Variants in ACACB observed in about 807,000 individuals in gnomAD.
ACACB encodes acetyl-CoA carboxylase beta.
Under a neutral mutation model 278.8 loss-of-function variants are expected in ACACB, and 209 were observed. The observed-to-expected ratio is 0.75, with a 90% CI of 0.67 to 0.84. ACACB has a LOEUF of 0.84. Ranked by LOEUF, ACACB falls within the 40% of genes least tolerant of loss-of-function variation. The pLI is 0.00. For synonymous variants in ACACB, 1,174 were observed against 1,285.6 expected, an observed-to-expected ratio of 0.91 and a Z score of 1.86; for missense variants, 2,850 against 3,269.0, an observed-to-expected ratio of 0.87 and a Z score of 3.13.
chr12:109,266,597 T>A lies in ACACB; in HGVS notation c.*235T>A. 1 of 373,772 alleles carries A rather than the reference T, an allele frequency of 2.7e-6. No homozygotes were observed. The highest frequency in any genetic ancestry group is 4.7e-6 in the Non-Finnish European group (1 of 214,806). 23.2% of individuals were successfully genotyped at this position (373,772 alleles called of 1,614,324 possible). ...TGGGAAGTTTATTTTGTTTTGTCTCTGAAGACAGCAGTTTTATTGCATCAC... is the reference window on the plus strand; with the variant it reads ...TGGGAAGTTTATTTTGTTTTGTCTCAGAAGACAGCAGTTTTATTGCATCAC... On this transcript the variant is annotated 3_prime_UTR_variant, in exon 53 of 53. Transcript: ENST00000338432.
upstream of ACACB, among the ~76,000 whole-genome samples, chr12:109,112,503 G>A (rs2135905456): frequency 6.6e-6 from 1 of 151,896 alleles, no homozygotes; most frequent in African/African-American, 2.4e-5. Context: ...GGGAGTTCAA[G>A]ACCAGCCTGA....
At chr12:109,201,228 C>T (rs75290486) in intron 18 of ACACB, among the ~76,000 whole-genome samples, 53 of 152,294 alleles carry the variant, frequency 3.5e-4, no homozygotes, top group African/African-American at 1.1e-3. Flanking sequence ...GTTTTAGGAA[C>T]GTGTATATGA....
chr12:109,205,182 G>GC (rs2045465011), intron 19 of ACACB, among the ~76,000 whole-genome samples: 2 of 152,158 alleles, frequency 1.3e-5, no homozygotes, highest in South Asian at 4.1e-4. Context: ...AGTTCCCAAA[G>GC]CTAGGAATAG....
chr12:109,262,285 C>G (rs151139821), intron 48 of ACACB, 72 bp from the exon 49 acceptor site: 1 of 1,226,608 alleles, frequency 8.2e-7, no homozygotes, highest in Admixed American at 1.8e-5. Context: ...CTCCAGCTCC[C>G]CCCACATCCA....
At position 109,233,744 on chromosome 12, in the gene ACACB, C is replaced by T. The variant is rs1234280853; in HGVS notation, c.4140-4C>T. The stretch of plus-strand genomic sequence containing the variant: ...CAGCCCTCCCTCTCTACCCGCACCC[C>T]CAGAAATTTTGATGAAGTCATCTCT... On this transcript the variant is annotated splice_polypyrimidine_tract_variant and splice_region_variant and intron_variant, in intron 29 of 52. Coordinates refer to ENST00000338432, the MANE Select transcript of ACACB (RefSeq NM_001093.4). 6.2e-7 allele frequency: 1 copy of T among 1,613,892 alleles called. No individual in the cohort carries two copies. The highest frequency in any genetic ancestry group is 1.7e-5 in the Admixed American group (1 of 59,994).
rs773991465 is a variant in ACACB, at chr12:109,241,150, G to A, written c.4891G>A (p.Glu1631Lys). The A allele has an allele frequency of 4.3e-6, 7 of 1,614,192 alleles. No homozygotes were observed. In the South Asian group the frequency reaches 6.6e-5, roughly 15 times the overall value. ...RLWKLRVLQA[E>K]VKINIRQTTT... is the part of the protein sequence containing the mutation. ...GTGGAAACTCCGTGTGCTACAGGCT[G>A]AGGTCAAGATCAACATCCGCCAGAC... Residue 1631 changes from glutamate (E) to lysine (K), a missense_variant, in exon 36 of 53, where the codon GAG (glutamate) becomes AAG (lysine). This residue lies in a region of ACACB where 2,265 missense variants were observed against 2,561.3 expected (regional missense o/e 0.88). Transcript: ENST00000338432.
chr12:109,258,745 C>G (rs969060816), intron 46 of ACACB, among the ~76,000 whole-genome samples: 1 of 152,158 alleles, frequency 6.6e-6, no homozygotes, highest in Non-Finnish European at 1.5e-5. Context: ...TGGCACCCCT[C>G]GGAGCCTGTA....
chr12:109,230,561 C>A (rs555410512), intron 28 of ACACB, among the ~76,000 whole-genome samples: 14 of 152,292 alleles, frequency 9.2e-5, no homozygotes, highest in Non-Finnish European at 1.8e-4. Flanking sequence ...TAGCTGGGAC[C>A]ACAGGCTTGC....
chr12:109,266,428 A>C lies in ACACB; in HGVS notation c.*66A>C. On this transcript the variant is annotated 3_prime_UTR_variant, in exon 53 of 53. Coordinates refer to ENST00000338432, the MANE Select transcript of ACACB (RefSeq NM_001093.4). ...AACCACCCAGACCCACCACCCGTAC[A>C]CCCTCAGCAGACCCTGAAGACTTGC... 1 of 1,482,316 alleles carries C rather than the reference A, an allele frequency of 6.7e-7. No homozygotes were observed. The highest frequency in any genetic ancestry group is 8.9e-7 in the Non-Finnish European group (1 of 1,120,160). The allele number at this position is 1,482,316 out of a possible 1,614,324, so 91.8% of individuals were successfully genotyped here.
chr12:109,246,420 C>A lies in ACACB; in HGVS notation c.5543C>A (p.Ala1848Asp). ...GAGATCAAACACATGTTCCACGTGG[C>A]TTGGGTGGACCCAGAAGACCCCCAC... ...AEEIKHMFHV[A>D]WVDPEDPHKG... Residue 1848 changes from alanine (A) to aspartate (D), a missense_variant, in exon 39 of 53, where the codon GCT (alanine) becomes GAT (aspartate). Physicochemically the swap from Ala to Asp is moderately radical, Grantham distance 126. This residue lies in a region of ACACB where 2,265 missense variants were observed against 2,561.3 expected (regional missense o/e 0.88). Coordinates refer to ENST00000338432, the MANE Select transcript of ACACB (RefSeq NM_001093.4). 2 of 1,613,120 alleles carry A rather than the reference C, an allele frequency of 1.2e-6. No individual in the cohort carries two copies. Among genetic ancestry groups the A allele is most frequent in the South Asian group, 2.2e-5 (2 of 91,034 alleles).
intron 28 of ACACB, among the ~76,000 whole-genome samples, chr12:109,230,972 A>C (rs953626700): frequency 6.6e-6 from 1 of 152,152 alleles, no homozygotes; most frequent in Admixed American, 6.5e-5. Context: ...GGGCCTGTGA[A>C]GAGACCTTGC....
rs779935990 is a variant in ACACB at position 109,193,707 on chromosome 12, G to A, written c.2459G>A (p.Gly820Glu). ...LNLVDVELIYGGVKYILKVAR... is the reference protein window; with the variant it reads ...LNLVDVELIYEGVKYILKVAR... ...CTCGTAGATGTGGAATTAATTTACG[G>A]AGGTGTTAAGTACATTCTCAAGGTA... The change falls in exon 16 of 53, where the codon GGA (glycine) becomes GAA (glutamate). Residue 820 changes from glycine to glutamate, a missense_variant. Physicochemically the swap from Gly to Glu is moderately conservative, Grantham distance 98. This residue lies in a region of ACACB where 2,265 missense variants were observed against 2,561.3 expected (regional missense o/e 0.88). Coordinates refer to ENST00000338432, the MANE Select transcript of ACACB (RefSeq NM_001093.4). 1 of 1,613,664 alleles carries A rather than the reference G, an allele frequency of 6.2e-7. No homozygotes were observed. Among genetic ancestry groups the A allele is most frequent in the Non-Finnish European group, 8.5e-7 (1 of 1,179,626 alleles).
intron 2 of ACACB, among the ~76,000 whole-genome samples, chr12:109,143,452 G>C (rs1194140593): frequency 2.9e-5 from 3 of 103,012 alleles, no homozygotes; most frequent in African/African-American, 1.1e-4. Flanking sequence ...GACACAGGCA[G>C]ACCCTGTCTC....
At position 109,234,186 on chromosome 12, in the gene ACACB, G is replaced by A. The variant is rs1434173444; in HGVS notation, c.4347+141G>A. ...CTGGCTTCCCACTCTAGCTCTGCTCGCCTCATAGCTGGCGACCTTGGGCAG... is the reference window on the plus strand; with the variant it reads ...CTGGCTTCCCACTCTAGCTCTGCTCACCTCATAGCTGGCGACCTTGGGCAG... On this transcript the variant is annotated intron_variant, in intron 31 of 52. Transcript: ENST00000338432. 8.6e-6 allele frequency: 6 copies of A among 696,896 alleles called. 1 individual carries two copies. The highest frequency in any genetic ancestry group is 7.1e-5 in the South Asian group (4 of 56,376). The allele number at this position is 696,896 out of a possible 1,614,324, so 43.2% of individuals were successfully genotyped here.
chr12:109,235,726 G>A, intron 33 of ACACB, 79 bp downstream of exon 33: 2 of 1,343,338 alleles, frequency 1.5e-6, no homozygotes, highest in South Asian at 1.2e-5. Context: ...GGCCGGGTGT[G>A]GTGGCTCAAG....
chr12:109,129,294 A>G (rs1427065478), intron 1 of ACACB, among the ~76,000 whole-genome samples: 1 of 152,158 alleles, frequency 6.6e-6, no homozygotes, highest in Non-Finnish European at 1.5e-5. Flanking sequence ...CGTGGGTCTT[A>G]AAGTGTGGGC....
At position 109,233,755 on chromosome 12, in the gene ACACB, G is replaced by A. The variant is rs750978502; in HGVS notation, c.4147G>A (p.Asp1383Asn). Residue 1383 changes from aspartate (D) to asparagine (N), a missense_variant, in exon 30 of 53, where the codon GAT (aspartate) becomes AAT (asparagine). This residue lies in a region of ACACB where 2,265 missense variants were observed against 2,561.3 expected (regional missense o/e 0.88). Coordinates refer to ENST00000338432, the MANE Select transcript of ACACB (RefSeq NM_001093.4). ...RRFEDFTRNF[D>N]EVISCFANVP... ...CTCTACCCGCACCCCCAGAAATTTT[G>A]ATGAAGTCATCTCTTGCTTCGCCAA... is the stretch of plus-strand genomic sequence containing the variant. 1.2e-6 allele frequency: 2 copies of A among 1,614,074 alleles called. No individual in the cohort carries two copies. The highest frequency in any genetic ancestry group is 2.2e-5 in the South Asian group (2 of 91,074).
At chr12:109,226,003 C>T (rs1413462613) in intron 27 of ACACB, among the ~76,000 whole-genome samples, 4 of 152,092 alleles carry the variant, frequency 2.6e-5, no homozygotes, top group Admixed American at 2.6e-4. Flanking sequence ...TGAGGTGGCT[C>T]ATGCCTGTAA....
chr12:109,167,290 A>G, intron 3 of ACACB: 1 of 271,008 alleles, frequency 3.7e-6, no homozygotes, highest in Non-Finnish European at 7.1e-6. Context: ...TAAAAAAAAA[A>G]TCATTCACTG....
Sources: gnomAD v4.1 joint callset for allele counts (sites outside exome capture counted in the v4.1 genomes callset) on GRCh38, gnomAD v4.1.1 for gene constraint, gnomAD v4.1.1 regional missense constraint, MANE v1.5 for transcripts, NCBI Gene and HGNC (gene_info 2026-07-23, HGNC 2026-07-21) for gene names.